PRTG: variants seen among roughly 807,000 people sequenced by gnomAD.
PRTG encodes the protein immunoglobulin superfamily, DCC subclass, member 5.
Under a neutral mutation model 122.5 loss-of-function variants are expected in PRTG, and 67 were observed. That is an observed-to-expected ratio of 0.55 (90% CI 0.45 to 0.67). The LOEUF (loss-of-function observed/expected upper bound fraction) is 0.67. Ranked by LOEUF, PRTG falls within the 30% of genes least tolerant of loss-of-function variation. PRTG has a pLI of 0.00. For missense variants in PRTG, 1,435 were observed against 1,415.4 expected, an observed-to-expected ratio of 1.01 and a Z score of -0.22; for synonymous variants, 554 against 501.1, an observed-to-expected ratio of 1.11 and a Z score of -1.41.
intron 4 of PRTG, 55 bp downstream of exon 4, chr15:55,682,309 T>C: frequency 7.1e-7 from 1 of 1,413,702 alleles, no homozygotes; most frequent in Non-Finnish European, 9.4e-7. Flanking sequence ...GGAGAAGAAG[T>C]AACAACTGCG....
intron 2 of PRTG, among the ~76,000 whole-genome samples, chr15:55,716,247 CA>C (rs1428611825): frequency 6.6e-6 from 1 of 151,862 alleles, no homozygotes; most frequent in African/African-American, 2.4e-5. Context: ...AGAAAACAAA[CA>C]AACAACAACA....
At position 55,679,457 on chromosome 15, in the gene PRTG, G is replaced by T; in HGVS notation, c.974-12C>A. ...AAATGAAGGAGGAGCTATTTTTAAAGAAAAAAATGAAATATTTCTGTGATC... is the reference window on the plus strand; with the variant it reads ...AAATGAAGGAGGAGCTATTTTTAAATAAAAAAATGAAATATTTCTGTGATC... On this transcript the variant is annotated splice_polypyrimidine_tract_variant and intron_variant, in intron 6 of 19. Coordinates refer to ENST00000389286, the MANE Select transcript of PRTG (RefSeq NM_173814.6). The T allele has an allele frequency of 6.3e-7, 1 of 1,588,034 alleles. No individual in the cohort carries two copies. The highest frequency in any genetic ancestry group is 8.6e-7 in the Non-Finnish European group (1 of 1,164,186).
chr15:55,628,138 C>G (rs900684477), intron 16 of PRTG, among the ~76,000 whole-genome samples: 2 of 152,152 alleles, frequency 1.3e-5, no homozygotes, highest in Non-Finnish European at 2.9e-5. Context: ...TCCCTGGCAC[C>G]GAATGACCAT....
intron 7 of PRTG, among the ~76,000 whole-genome samples, chr15:55,678,412 T>A (rs2059517051): frequency 6.6e-6 from 1 of 152,126 alleles, no homozygotes; most frequent in South Asian, 2.1e-4. Context: ...GTTTTTAAAC[T>A]TTTTGTAATT....
chr15:55,704,007 G>GAAAA (rs11406266), intron 2 of PRTG, among the ~76,000 whole-genome samples: 182 of 152,138 alleles, frequency 1.2e-3, no homozygotes, highest in African/African-American at 4.1e-3. Flanking sequence ...AAATGGTACA[G>GAAAA]AAAAAACATG....
At chr15:55,701,876 AT>A (rs1341274250) in intron 2 of PRTG, among the ~76,000 whole-genome samples, 1 of 152,178 alleles carries the variant, frequency 6.6e-6, no homozygotes, top group East Asian at 1.9e-4. Context: ...TAATTCTACT[AT>A]TTATATGGTA....
At chr15:55,669,634 G>C (rs981547250) in intron 11 of PRTG, among the ~76,000 whole-genome samples, 1 of 152,206 alleles carries the variant, frequency 6.6e-6, no homozygotes, top group Non-Finnish European at 1.5e-5. Flanking sequence ...AGTAAGACTA[G>C]ACCATAGGGG....
chr15:55,727,413 C>T (rs945736224), intron 2 of PRTG, among the ~76,000 whole-genome samples: 1 of 151,904 alleles, frequency 6.6e-6, no homozygotes, highest in African/African-American at 2.4e-5. Context: ...GGACAAATTC[C>T]AAGGAAAACA....
chr15:55,623,692 A>G (rs1468097783), intron 18 of PRTG, among the ~76,000 whole-genome samples: 1 of 152,240 alleles, frequency 6.6e-6, no homozygotes, highest in Non-Finnish European at 1.5e-5. Flanking sequence ...AGCTATTCCA[A>G]TAACGTACAG....
chr15:55,628,850 G>C lies in PRTG; in HGVS notation c.2778C>G (p.Pro926=). The C allele has an allele frequency of 6.2e-7, 1 of 1,613,644 alleles. No homozygotes were observed. ...TGGCATCAGCAGAATCTAAACGCTT[G>C]GGCCTCTGATTTGATTCAGAGGTTT... ...PKETSESNQR[P]KRLDSADAKV... The change falls in exon 16 of 20, where the codon CCC becomes CCG. Residue 926 remains proline (P), a synonymous_variant. Coordinates refer to ENST00000389286, the MANE Select transcript of PRTG (RefSeq NM_173814.6).
chr15:55,736,020 T>G (rs1285864026), intron 2 of PRTG, among the ~76,000 whole-genome samples: 1 of 152,226 alleles, frequency 6.6e-6, no homozygotes, highest in Non-Finnish European at 1.5e-5. Context: ...CACCTCCTCT[T>G]TTTAAAGGCG....
intron 17 of PRTG, 110 bp from the exon 18 acceptor site, chr15:55,624,617 C>T: frequency 1.4e-6 from 1 of 722,102 alleles, no homozygotes; most frequent in Non-Finnish European, 2.1e-6. Flanking sequence ...CTTTAATACC[C>T]ATTTCTCAAA....
At position 55,637,267 on chromosome 15, in the gene PRTG, G is replaced by A. The variant is rs1160519468; in HGVS notation, c.2526C>T (p.Pro842=). 1.2e-6 allele frequency: 2 copies of A among 1,613,892 alleles called. No individual in the cohort carries two copies. The highest frequency in any genetic ancestry group is 4.5e-5 in the East Asian group (2 of 44,864). Residue 842 remains proline (P), a synonymous_variant, in exon 15 of 20, where the codon CCC becomes CCT. Transcript: ENST00000389286. ...TCACAACTGTTTCTGGGCCATCAGG[G>A]GGTTTCCAAGAAACCAGGGCAGTGT... ...EDDTALVSWK[P]PDGPETVVTR...
At chr15:55,700,736 G>A (rs986446606) in intron 2 of PRTG, among the ~76,000 whole-genome samples, 20 of 151,980 alleles carry the variant, frequency 1.3e-4, no homozygotes, top group African/African-American at 4.6e-4. Flanking sequence ...AGCCTGGATC[G>A]CACCACTGCT....
At chr15:55,624,595 A>G (rs1485851846) in intron 17 of PRTG, 88 bp from the exon 18 acceptor site, 1 of 1,061,288 alleles carries the variant, frequency 9.4e-7, no homozygotes, top group Non-Finnish European at 1.3e-6. Flanking sequence ...AAACTTTGTA[A>G]GCAATGCAGT....
In PRTG at chr15:55,725,545, G is replaced by A. The variant is rs190931397; in HGVS notation, c.397+14837C>T. Among the ~76,000 whole-genome samples, 12 of 151,774 alleles carry A rather than the reference G, an allele frequency of 7.9e-5. No individual in the cohort carries two copies. In the South Asian group the frequency reaches 1.7e-3, roughly 21 times the overall value. ...GGGGAGGTTGAGGATGCAGTGAGCC[G>A]TGATCGTGCTACTGCCCTCCAGTCT... is the stretch of plus-strand genomic sequence containing the variant. On this transcript the variant is annotated intron_variant, in intron 2 of 19. Transcript: ENST00000389286.
At chr15:55,687,093 C>T (rs768506073) in intron 2 of PRTG, among the ~76,000 whole-genome samples, 1 of 152,168 alleles carries the variant, frequency 6.6e-6, no homozygotes, top group Admixed American at 6.5e-5. Context: ...GCAGATTTGG[C>T]ACTAAAAAAA....
At chr15:55,664,958 G>A (rs2059430427) in intron 11 of PRTG, among the ~76,000 whole-genome samples, 1 of 151,798 alleles carries the variant, frequency 6.6e-6, no homozygotes, top group Admixed American at 6.6e-5. Flanking sequence ...ACGTATCACA[G>A]AAGTTAAAAC....
chr15:55,636,705 T>G (rs1348699571), intron 15 of PRTG, among the ~76,000 whole-genome samples: 2 of 151,082 alleles, frequency 1.3e-5, no homozygotes, highest in African/African-American at 4.9e-5. Flanking sequence ...TGGAGTGCAA[T>G]GGTGCAATCT....
Sources: gnomAD v4.1 joint callset for allele counts (sites outside exome capture counted in the v4.1 genomes callset) on GRCh38, gnomAD v4.1.1 for gene constraint, MANE v1.5 for transcripts, NCBI Gene and HGNC (gene_info 2026-07-23, HGNC 2026-07-21) for gene names.